Variants in TRAF1 observed in about 807,000 individuals in gnomAD.
TRAF1 encodes TNF receptor associated factor 1.
TRAF1 carries 23 observed loss-of-function variants against 40.9 expected under a neutral mutation model. That is an observed-to-expected ratio of 0.56 (90% CI 0.40 to 0.80). The LOEUF is 0.80. Ranked by LOEUF, TRAF1 falls within the 30% of genes least tolerant of loss-of-function variation. The probability of loss-of-function intolerance (pLI) is 0.00; values close to 1 mark genes in which losing one functional copy is unlikely to be tolerated. For missense variants in TRAF1, 477 were observed against 528.7 expected, an observed-to-expected ratio of 0.90 and a Z score of 0.96; for synonymous variants, 206 against 218.8, an observed-to-expected ratio of 0.94 and a Z score of 0.52.
chr9:120,911,990 T>C (rs1427652394), intron 5 of TRAF1, among the ~76,000 whole-genome samples: 2 of 152,116 alleles, frequency 1.3e-5, no homozygotes, highest in Admixed American at 1.3e-4. Context: ...AAGAGTTACA[T>C]AAATAAAGGC....
At chr9:120,922,856 G>A (rs1164464865) in intron 3 of TRAF1, among the ~76,000 whole-genome samples, 1 of 150,958 alleles carries the variant, frequency 6.6e-6, no homozygotes. Context: ...TTGTTTTTTT[G>A]AGACAGGGTC....
At chr9:120,917,741 C>T (rs2046578290) in intron 3 of TRAF1, among the ~76,000 whole-genome samples, 1 of 152,080 alleles carries the variant, frequency 6.6e-6, no homozygotes, top group African/African-American at 2.4e-5. Context: ...GAGCATCTCC[C>T]CTTCTCTCTG....
At chr9:120,906,644 G>T (rs2046485055) in intron 7 of TRAF1, among the ~76,000 whole-genome samples, 1 of 152,084 alleles carries the variant, frequency 6.6e-6, no homozygotes, top group Non-Finnish European at 1.5e-5. Flanking sequence ...TGATGAAGCT[G>T]CATTGACACA....
At chr9:120,907,686 A>G (rs1466459026) in intron 7 of TRAF1, among the ~76,000 whole-genome samples, 1 of 152,198 alleles carries the variant, frequency 6.6e-6, no homozygotes, top group Non-Finnish European at 1.5e-5. Flanking sequence ...ATTAATATGT[A>G]GTGATACCTG....
intron 3 of TRAF1, among the ~76,000 whole-genome samples, chr9:120,923,026 A>G (rs1262840084): frequency 3.3e-5 from 5 of 152,028 alleles, no homozygotes; most frequent in African/African-American, 1.2e-4. Context: ...TTTTGTAAAC[A>G]TGTGGTTTCA....
rs533495290 is a variant in TRAF1 at position 120,924,556 on chromosome 9, A to G, written c.141-764T>C. Among the ~76,000 whole-genome samples the G allele has an allele frequency of 2.6e-5, 4 of 152,306 alleles. No homozygotes were observed. The South Asian group carries it at 6.2e-4, about 24-fold the overall frequency. On this transcript the variant is annotated intron_variant, in intron 2 of 7. Coordinates refer to ENST00000373887, the MANE Select transcript of TRAF1 (RefSeq NM_005658.5). ...TAGCCTCCCAAGTAGCTGGGATTAC[A>G]GGTGCACACCACCACACCCAGCTAA...
chr9:120,909,296 C>T lies in TRAF1; in HGVS notation c.966G>A (p.Leu322=). The T allele has an allele frequency of 3.7e-6, 6 of 1,614,186 alleles. No homozygotes were observed. The highest frequency in any genetic ancestry group is 4.2e-6 in the Non-Finnish European group (5 of 1,180,032). The change falls in exon 7 of 8, where the codon CTG becomes CTA. Residue 322 remains leucine, a synonymous_variant. Transcript: ENST00000373887. The part of the protein sequence containing the change: ...NGDGTGKRTH[L]SLFIVIMRGE... The stretch of plus-strand genomic sequence containing the variant: ...CTCTCATGATCACGATGAAGAGCGA[C>T]AGATGGGTTCTCTTTCCAGTGCCAT...
Position 120,926,211 on chromosome 9 carries a change from G to T in TRAF1, c.-136C>A. 1 of 1,016,302 alleles carries T rather than the reference G, an allele frequency of 9.8e-7. No homozygotes were observed. 63.0% of individuals were successfully genotyped at this position (1,016,302 alleles called of 1,614,324 possible). A position where few individuals can be genotyped will look rare whatever the true frequency, so the allele number is the denominator to read the frequency against. On this transcript the variant is annotated 5_prime_UTR_variant, in exon 2 of 8. Coordinates refer to ENST00000373887, the MANE Select transcript of TRAF1 (RefSeq NM_005658.5). ...GACTTTATCTTCTTCTCTCTGGCTT[G>T]TGTGGTTCAACGTCACAGCTGAGTC... is the stretch of plus-strand genomic sequence containing the variant.
chr9:120,913,578 G>T lies in TRAF1; in HGVS notation c.455C>A (p.Ala152Glu), dbSNP rs1308784263. The change falls in exon 5 of 8, where the codon GCA becomes GAA. Residue 152 changes from alanine to glutamate, a missense_variant. By Grantham distance (107) the Ala-to-Glu change is moderately radical. Coordinates refer to ENST00000373887, the MANE Select transcript of TRAF1 (RefSeq NM_005658.5). The part of the protein sequence containing the change: ...EQNLSDLQLQ[A>E]AVEVAGDLEV... The stretch of plus-strand genomic sequence containing the variant: ...CAGGTCCCCCGCCACTTCCACGGCT[G>T]CCTGCAGCTGCAGGTCTGACAGGTT... 6.2e-7 allele frequency: 1 copy of T among 1,613,852 alleles called. No homozygotes were observed. Among genetic ancestry groups the T allele is most frequent in the East Asian group, 2.2e-5 (1 of 44,898 alleles).
At chr9:120,910,201 A>G (rs890677478) in intron 6 of TRAF1, among the ~76,000 whole-genome samples, 1 of 152,116 alleles carries the variant, frequency 6.6e-6, no homozygotes, top group Non-Finnish European at 1.5e-5. Context: ...ATCTTTGCCC[A>G]TTACGTTTTG....
intron 2 of TRAF1, 76 bp from the exon 3 acceptor site, chr9:120,923,868 A>G: frequency 7.6e-7 from 1 of 1,314,642 alleles, no homozygotes; most frequent in Non-Finnish European, 1.1e-6. Context: ...ACAGCTCCAG[A>G]AGCCTCAACT....
intron 3 of TRAF1, 186 bp from the exon 4 acceptor site, chr9:120,914,486 A>G: frequency 2.5e-6 from 3 of 1,215,626 alleles, no homozygotes; most frequent in Non-Finnish European, 3.1e-6. Flanking sequence ...ACCTTCCTTC[A>G]AAACAGGACC....
intron 3 of TRAF1, among the ~76,000 whole-genome samples, chr9:120,921,668 C>T (rs986370503): frequency 1.3e-5 from 2 of 151,950 alleles, no homozygotes; most frequent in African/African-American, 4.8e-5. Context: ...ACTCTTACCA[C>T]GTTGCAGAGT....
At chr9:120,909,827 G>A (rs950423792) in intron 6 of TRAF1, among the ~76,000 whole-genome samples, 1 of 152,218 alleles carries the variant, frequency 6.6e-6, no homozygotes, top group Non-Finnish European at 1.5e-5. Context: ...GAGGGGCCAG[G>A]CTTCCTGCCT....
chr9:120,925,828 A>G, intron 2 of TRAF1, 108 bp downstream of exon 2: 1 of 1,507,362 alleles, frequency 6.6e-7, no homozygotes, highest in Non-Finnish European at 9.0e-7. Flanking sequence ...GGCCCAGAGA[A>G]GAAAAGTCAC....
rs2046467464 is a variant in TRAF1 at position 120,904,912 on chromosome 9, C to A, written c.*108G>T. 10 of 1,157,868 alleles carry A rather than the reference C, an allele frequency of 8.6e-6. No homozygotes were observed. In the East Asian group the frequency reaches 2.3e-4, roughly 27 times the overall value. The allele number at this position is 1,157,868 out of a possible 1,614,324, so 71.7% of individuals were successfully genotyped here. On this transcript the variant is annotated 3_prime_UTR_variant, in exon 8 of 8. Transcript: ENST00000373887. ...CTCAGTCTTGCTTGGATCATGCCAG[C>A]CTTCACCCATCTTTGTGCCCTGAGG...
chr9:120,908,030 C>T (rs1224510804), intron 7 of TRAF1, among the ~76,000 whole-genome samples: 1 of 152,134 alleles, frequency 6.6e-6, no homozygotes, highest in African/African-American at 2.4e-5. Flanking sequence ...GTAGCTGAGA[C>T]TACAGGCATG....
intron 2 of TRAF1, 133 bp downstream of exon 2, chr9:120,925,803 G>A: frequency 7.8e-7 from 1 of 1,284,034 alleles, no homozygotes. Flanking sequence ...TGTGAGAAAA[G>A]GGTGTGGAAA....
chr9:120,905,013 G>A lies in TRAF1; in HGVS notation c.*7C>T, dbSNP rs751639209. ...GAGTTGGAGCTCCCTCAGGAGCCCC[G>A]CCCACCCTAAGTGCTGGTCTCCACA... On this transcript the variant is annotated 3_prime_UTR_variant, in exon 8 of 8. Coordinates refer to ENST00000373887, the MANE Select transcript of TRAF1 (RefSeq NM_005658.5). The A allele has an allele frequency of 1.4e-5, 23 of 1,610,818 alleles. No individual in the cohort carries two copies. The highest frequency in any genetic ancestry group is 1.8e-4 in the Middle Eastern group (1 of 5,538).
Sources: gnomAD v4.1 joint callset for allele counts (sites outside exome capture counted in the v4.1 genomes callset) on GRCh38, gnomAD v4.1.1 for gene constraint, MANE v1.5 for transcripts, NCBI Gene and HGNC (gene_info 2026-07-23, HGNC 2026-07-21) for gene names.